Variants in DGKB observed in about 807,000 individuals in gnomAD.
DGKB encodes diacylglycerol kinase beta, also known as 90 kDa diacylglycerol kinase.
Under a neutral mutation model 114.3 loss-of-function variants are expected in DGKB, and 67 were observed. The ratio of observed to expected loss-of-function variants is 0.59; its 90% CI spans 0.48 to 0.72. The LOEUF is 0.72. Ranked by LOEUF, DGKB falls within the 30% of genes least tolerant of loss-of-function variation. The pLI is 0.00. For missense variants in DGKB, 907 were observed against 975.2 expected, an observed-to-expected ratio of 0.93 and a Z score of 0.93; for synonymous variants, 398 against 323.1, an observed-to-expected ratio of 1.23 and a Z score of -2.49.
At chr7:14,206,787 A>G (rs1353803055) in intron 23 of DGKB, among the ~76,000 whole-genome samples, 5 of 152,230 alleles carry the variant, frequency 3.3e-5, no homozygotes, top group South Asian at 2.1e-4. Flanking sequence ...AAATTCTAAT[A>G]TGCAAGTAAT....
At chr7:14,924,013 C>A (rs968270093) in intron 1 of DGKB, among the ~76,000 whole-genome samples, 2 of 107,614 alleles carry the variant, frequency 1.9e-5, no homozygotes, top group African/African-American at 1.2e-4. Context: ...AAGCTTTGTC[C>A]TATTCTCACA....
At chr7:14,203,179 T>TAAAAAAAAAAAAAAAAAAAAAA (rs1554285592) in intron 23 of DGKB, among the ~76,000 whole-genome samples, 1 of 78,964 alleles carries the variant, frequency 1.3e-5, no homozygotes, top group African/African-American at 8.3e-5. Flanking sequence ...AAAAAAAAAG[T>TAAAAAAAAAAAAAAAAAAAAAA]TAAAAGTTTC....
chr7:14,335,842 C>T (rs547710868), intron 23 of DGKB, among the ~76,000 whole-genome samples: 1 of 152,214 alleles, frequency 6.6e-6, no homozygotes, highest in African/African-American at 2.4e-5. Context: ...TAGTCTTGAA[C>T]TCCTGAGGTC....
At chr7:14,642,400 G>C (rs1338066864) in intron 13 of DGKB, among the ~76,000 whole-genome samples, 5 of 152,000 alleles carry the variant, frequency 3.3e-5, no homozygotes, top group Non-Finnish European at 5.9e-5. Context: ...TTGGCAACAG[G>C]TAGACTCTTT....
intron 20 of DGKB, among the ~76,000 whole-genome samples, chr7:14,524,233 A>C (rs529463209): frequency 9.2e-5 from 14 of 152,164 alleles, no homozygotes; most frequent in Admixed American, 9.2e-4. Flanking sequence ...TTGAAAAAAA[A>C]ATCTACTGCT....
intron 23 of DGKB, among the ~76,000 whole-genome samples, chr7:14,284,329 T>A (rs551432751): frequency 0.025 from 3,394 of 138,526 alleles, 104 homozygotes; most frequent in African/African-American, 0.076. Flanking sequence ...TCACACCAGT[T>A]AGAATGGCAA....
intron 20 of DGKB, among the ~76,000 whole-genome samples, chr7:14,570,796 G>A (rs1268898085): frequency 6.6e-6 from 1 of 151,910 alleles, no homozygotes; most frequent in Admixed American, 6.6e-5. Flanking sequence ...GGTAAAAGGG[G>A]AGGCAAATTA....
intron 21 of DGKB, among the ~76,000 whole-genome samples, chr7:14,421,192 G>A (rs182777347): frequency 2.6e-5 from 4 of 152,144 alleles, no homozygotes; most frequent in Non-Finnish European, 4.4e-5. Context: ...GCTTGAGCCC[G>A]CTCCAATTCT....
intron 3 of DGKB, among the ~76,000 whole-genome samples, chr7:14,754,198 G>T (rs1834529819): frequency 6.6e-6 from 1 of 152,028 alleles, no homozygotes; most frequent in Admixed American, 6.6e-5. Context: ...GGGTCGGGGG[G>T]AGGCAGGCAG....
At chr7:14,465,980 T>G (rs1310414234) in intron 21 of DGKB, among the ~76,000 whole-genome samples, 1 of 151,826 alleles carries the variant, frequency 6.6e-6, no homozygotes. Flanking sequence ...AAGTAGACGT[T>G]TGCATGTGCA....
chr7:14,915,320 GT>G, intron 1 of DGKB, among the ~76,000 whole-genome samples: 1 of 152,302 alleles, frequency 6.6e-6, no homozygotes, highest in Non-Finnish European at 1.5e-5. Context: ...CGAGGCTTCA[GT>G]GAGCTATGAT....
At chr7:14,953,669 T>C (rs1786335342) in intron 1 of DGKB, among the ~76,000 whole-genome samples, 1 of 152,120 alleles carries the variant, frequency 6.6e-6, no homozygotes, top group African/African-American at 2.4e-5. Context: ...GAGTTACCAG[T>C]TCACCTAGCA....
Position 14,279,173 on chromosome 7 carries a change from T to C in DGKB, c.2122+59342A>G, listed in dbSNP as rs573366217. 4.7e-3 allele frequency among the ~76,000 whole-genome samples: 720 copies of C among 152,202 alleles called. 4 individuals carry two copies. The highest frequency in any genetic ancestry group is 0.017 in the African/African-American group (695 of 41,536). On this transcript the variant is annotated intron_variant, in intron 23 of 25. Transcript: ENST00000402815. ...CCACCCGAATACTGCGCTTTTCCGA[T>C]GGGCTTAAAAAATGGCGCACCACGA...
At chr7:14,432,898 G>C (rs1417778279) in intron 21 of DGKB, among the ~76,000 whole-genome samples, 2 of 152,092 alleles carry the variant, frequency 1.3e-5, no homozygotes, top group Non-Finnish European at 2.9e-5. Flanking sequence ...TCACCTGGGA[G>C]GAATGAGGAA....
intron 23 of DGKB, among the ~76,000 whole-genome samples, chr7:14,218,883 A>G (rs1054798395): frequency 6.6e-6 from 1 of 151,874 alleles, no homozygotes; most frequent in Non-Finnish European, 1.5e-5. Flanking sequence ...GAAACCCTGT[A>G]TCTTTTAGAT....
chr7:14,592,309 G>C (rs936981140), intron 17 of DGKB, among the ~76,000 whole-genome samples: 47 of 151,808 alleles, frequency 3.1e-4, no homozygotes, highest in African/African-American at 1.1e-3. Flanking sequence ...CTTTTTCCTC[G>C]TTCTTGTTTA....
chr7:14,271,787 T>A (rs1798305694), intron 23 of DGKB, among the ~76,000 whole-genome samples: 1 of 152,220 alleles, frequency 6.6e-6, no homozygotes, highest in South Asian at 2.1e-4. Flanking sequence ...AAATTGGTTT[T>A]ACCAGTATCC....
chr7:14,787,823 CTG>C (rs1235835466), intron 2 of DGKB, among the ~76,000 whole-genome samples: 1 of 152,232 alleles, frequency 6.6e-6, no homozygotes, highest in Non-Finnish European at 1.5e-5. Flanking sequence ...GCAAAGCTGT[CTG>C]TTGCTGGAGA....
chr7:14,330,123 G>T (rs1468547889), intron 23 of DGKB, among the ~76,000 whole-genome samples: 1 of 151,956 alleles, frequency 6.6e-6, no homozygotes, highest in Admixed American at 6.6e-5. Context: ...AAGGGTTTTA[G>T]AATAGCATGT....
Sources: allele counts gnomAD v4.1 joint callset (sites outside exome capture counted in the v4.1 genomes callset), GRCh38; gene constraint gnomAD v4.1.1; transcripts MANE v1.5; gene names NCBI Gene and HGNC (gene_info 2026-07-23, HGNC 2026-07-21).